The following ERC2 variants were observed in gnomAD, a reference collection of about 807,000 sequenced individuals.
ERC2 encodes the protein ERC protein 2.
ERC2 carries 42 observed loss-of-function variants against 114.8 expected under a neutral mutation model. That is an observed-to-expected ratio of 0.37 (90% CI 0.29 to 0.47). The LOEUF is 0.47. ERC2 is among the 20% of genes least tolerant of loss of function. The probability of loss-of-function intolerance (pLI) is 0.99; values close to 1 mark genes in which losing one functional copy is unlikely to be tolerated. For missense variants in ERC2, 939 were observed against 1,150.7 expected (o/e 0.82, Z 2.66); for synonymous variants, 454 against 425.5 (o/e 1.07, Z -0.82).
At chr3:56,108,362 A>G (rs1478111288) in intron 6 of ERC2, among the ~76,000 whole-genome samples, 1 of 152,166 alleles carries the variant, frequency 6.6e-6, no homozygotes, top group African/African-American at 2.4e-5. Context: ...ACAACACACA[A>G]AAAATATTTT....
rs570054079 is a variant in ERC2, at chr3:55,930,590, T to A, written c.2403+19835A>T. Reference sequence around the variant, plus strand: ...AACTGGACCCCTTCCTTACACCTTATAAAAAAATTAGCTCAAGATGGATTA... The same window carrying A: ...AACTGGACCCCTTCCTTACACCTTAAAAAAAAATTAGCTCAAGATGGATTA... On this transcript the variant is annotated intron_variant, in intron 13 of 17. Coordinates refer to ENST00000288221, the MANE Select transcript of ERC2 (RefSeq NM_015576.3). Among the ~76,000 whole-genome samples, 4 of 152,150 alleles carry A rather than the reference T, an allele frequency of 2.6e-5. No homozygotes were observed. In the South Asian group the frequency reaches 6.2e-4, roughly 24 times the overall value.
intron 1 of ERC2, among the ~76,000 whole-genome samples, chr3:56,441,136 A>C (rs1282570003): frequency 6.6e-6 from 1 of 152,220 alleles, no homozygotes; most frequent in African/African-American, 2.4e-5. Context: ...GATGCAAAGA[A>C]GTCCAAGCTA....
At chr3:56,064,870 T>C (rs1261268379) in intron 7 of ERC2, among the ~76,000 whole-genome samples, 1 of 152,236 alleles carries the variant, frequency 6.6e-6, no homozygotes. Flanking sequence ...CAGCCATTCC[T>C]ATTTATTTAC....
chr3:56,428,775 A>G (rs1170322038), intron 2 of ERC2, among the ~76,000 whole-genome samples: 2 of 152,214 alleles, frequency 1.3e-5, no homozygotes, highest in East Asian at 3.9e-4. Flanking sequence ...CAAAAATAGA[A>G]ATGATCACAT....
At chr3:55,601,480 A>G (rs2058401112) in intron 17 of ERC2, among the ~76,000 whole-genome samples, 1 of 152,238 alleles carries the variant, frequency 6.6e-6, no homozygotes, top group South Asian at 2.1e-4. Context: ...CCTGAAGTTC[A>G]GCTGCTCCCT....
intron 17 of ERC2, among the ~76,000 whole-genome samples, chr3:55,560,194 G>A (rs1285071499): frequency 6.6e-6 from 1 of 152,134 alleles, no homozygotes; most frequent in Non-Finnish European, 1.5e-5. Flanking sequence ...AGCAGCCATA[G>A]GTCAGTGAAC....
chr3:55,771,597 T>C (rs906372157), intron 14 of ERC2, among the ~76,000 whole-genome samples: 3 of 152,192 alleles, frequency 2.0e-5, no homozygotes, highest in African/African-American at 7.2e-5. Context: ...TAAGCAGAAA[T>C]GCTGAGGCAT....
At chr3:55,766,439 A>G (rs1417249671) in intron 14 of ERC2, among the ~76,000 whole-genome samples, 1 of 152,130 alleles carries the variant, frequency 6.6e-6, no homozygotes, top group Non-Finnish European at 1.5e-5. Context: ...GCTCACTGCA[A>G]CCTCCGCCTC....
chr3:55,663,980 C>A (rs902602346), intron 17 of ERC2, among the ~76,000 whole-genome samples: 2 of 152,206 alleles, frequency 1.3e-5, no homozygotes, highest in Admixed American at 1.3e-4. Flanking sequence ...GTACCAGATG[C>A]TCAGCCACTA....
intron 12 of ERC2, among the ~76,000 whole-genome samples, chr3:55,957,853 G>C (rs932370551): frequency 6.6e-6 from 1 of 152,224 alleles, no homozygotes; most frequent in Non-Finnish European, 1.5e-5. Context: ...GGAGACACCA[G>C]GTACCACAGA....
At chr3:56,002,993 A>C in intron 10 of ERC2, 1 of 582,834 alleles carries the variant, frequency 1.7e-6, no homozygotes, top group Non-Finnish European at 2.5e-6. Flanking sequence ...AAGGGGAAGA[A>C]ACTCAAATAT....
intron 12 of ERC2, among the ~76,000 whole-genome samples, chr3:55,982,013 C>T (rs1269132545): frequency 2.0e-5 from 3 of 152,116 alleles, no homozygotes; most frequent in Non-Finnish European, 4.4e-5. Context: ...CAACTCCTGC[C>T]CTGGCTTTAG....
Position 56,014,270 on chromosome 3 carries a change from A to G in ERC2, c.1780-3681T>C, listed in dbSNP as rs78760410. On this transcript the variant is annotated intron_variant, in intron 8 of 17. Coordinates refer to ENST00000288221, the MANE Select transcript of ERC2 (RefSeq NM_015576.3). Reference sequence around the variant, plus strand: ...CTTACCATAGCTACCAGTAGTCCCTACTACACTTCAGCAAAGCCACATCCC... The same window carrying G: ...CTTACCATAGCTACCAGTAGTCCCTGCTACACTTCAGCAAAGCCACATCCC... 4.1e-3 allele frequency among the ~76,000 whole-genome samples: 619 copies of G among 152,278 alleles called. 7 individuals carry two copies. The highest frequency in any genetic ancestry group is 0.014 in the African/African-American group (587 of 41,566).
intron 14 of ERC2, among the ~76,000 whole-genome samples, chr3:55,799,490 C>T (rs149178305): frequency 3.2e-5 from 3 of 93,704 alleles, no homozygotes; most frequent in African/African-American, 4.8e-5. Context: ...ATCTATCACA[C>T]GGCATCCTAC....
intron 14 of ERC2, among the ~76,000 whole-genome samples, chr3:55,798,597 C>CAA (rs769555442): frequency 4.4e-5 from 4 of 90,160 alleles, no homozygotes; most frequent in Non-Finnish European, 7.1e-5. Flanking sequence ...GACTTCGTTT[C>CAA]AAAAAAAAAA....
At chr3:55,823,854 G>A (rs1243253683) in intron 14 of ERC2, among the ~76,000 whole-genome samples, 1 of 152,050 alleles carries the variant, frequency 6.6e-6, no homozygotes, top group Non-Finnish European at 1.5e-5. Flanking sequence ...GTTTACTTGG[G>A]CTGCCATAAC....
At chr3:55,649,852 C>A (rs1289970188) in intron 17 of ERC2, among the ~76,000 whole-genome samples, 1 of 152,154 alleles carries the variant, frequency 6.6e-6, no homozygotes, top group Non-Finnish European at 1.5e-5. Context: ...TAACACACTT[C>A]TAAAAACAAA....
chr3:56,286,444 GA>G, intron 3 of ERC2, among the ~76,000 whole-genome samples: 1 of 114,532 alleles, frequency 8.7e-6, no homozygotes, highest in South Asian at 2.9e-4. Flanking sequence ...AAAAAAGGCA[GA>G]AAAAAATACC....
intron 2 of ERC2, among the ~76,000 whole-genome samples, chr3:56,414,243 G>A (rs932623463): frequency 2.6e-5 from 4 of 152,076 alleles, no homozygotes; most frequent in African/African-American, 9.7e-5. Flanking sequence ...TGTTCCACTC[G>A]AGGCCAGGCA....
Sources: gnomAD v4.1 joint callset for allele counts (sites outside exome capture counted in the v4.1 genomes callset) on GRCh38, gnomAD v4.1.1 for gene constraint, MANE v1.5 for transcripts, NCBI Gene and HGNC (gene_info 2026-07-23, HGNC 2026-07-21) for gene names.